The following CATSPERT variants were observed in gnomAD, a reference collection of about 807,000 sequenced individuals.
CATSPERT encodes cation channel sperm-associated targeting subunit tau.
the CATSPERT span, among the ~76,000 whole-genome samples, chr2:201,585,191 C>A: frequency 6.6e-6 from 1 of 151,776 alleles, no homozygotes; most frequent in Non-Finnish European, 1.5e-5. Flanking sequence ...AATGAGAACA[C>A]ATGGACACAG....
At chr2:201,510,406 T>C in the CATSPERT span, among the ~76,000 whole-genome samples, 2 of 152,150 alleles carry the variant, frequency 1.3e-5, no homozygotes, top group Non-Finnish European at 2.9e-5. Flanking sequence ...GTTGCACCAC[T>C]GCACTCCAGC....
At chr2:201,551,765 G>A in the CATSPERT span, among the ~76,000 whole-genome samples, 11 of 151,850 alleles carry the variant, frequency 7.2e-5, no homozygotes, top group African/African-American at 2.7e-4. Context: ...AATATTAGCC[G>A]GGCATGGTGG....
chr2:201,537,265 G>A, the CATSPERT span, among the ~76,000 whole-genome samples: 1 of 151,788 alleles, frequency 6.6e-6, no homozygotes, highest in African/African-American at 2.4e-5. Flanking sequence ...ATTTTATGCA[G>A]AAGGCTCTTT....
At chr2:201,537,825 AATAGGACC>A in the CATSPERT span, among the ~76,000 whole-genome samples, 1 of 152,144 alleles carries the variant, frequency 6.6e-6, no homozygotes, top group East Asian at 1.9e-4. Flanking sequence ...AATCAGACAA[AATAGGACC>A]ATTCAAGGAA....
the CATSPERT span, among the ~76,000 whole-genome samples, chr2:201,531,935 C>A: frequency 6.6e-6 from 1 of 152,172 alleles, no homozygotes; most frequent in African/African-American, 2.4e-5. Context: ...ATTTAGATTT[C>A]GTCTTTACAA....
chr2:201,598,254 C>G, the CATSPERT span, among the ~76,000 whole-genome samples: 3 of 152,074 alleles, frequency 2.0e-5, no homozygotes, highest in Non-Finnish European at 4.4e-5. Context: ...GTACATGCCA[C>G]CACACCCAGT....
chr2:201,605,778 C>A, the CATSPERT span, among the ~76,000 whole-genome samples: 1 of 152,090 alleles, frequency 6.6e-6, no homozygotes, highest in South Asian at 2.1e-4. Context: ...TTCAAACAAG[C>A]ATTTGGAGAT....
At chr2:201,549,019 C>G in the CATSPERT span, among the ~76,000 whole-genome samples, 2 of 151,936 alleles carry the variant, frequency 1.3e-5, no homozygotes, top group East Asian at 1.9e-4. Context: ...ACACACACCC[C>G]CCAGCCAAAT....
the CATSPERT span, chr2:201,535,419 T>C: frequency 2.1e-6 from 2 of 974,970 alleles, no homozygotes; most frequent in Admixed American, 1.2e-4. Flanking sequence ...TATTATTTGG[T>C]GTACCTTTAA....
the CATSPERT span, among the ~76,000 whole-genome samples, chr2:201,506,740 A>T: frequency 6.6e-6 from 1 of 152,008 alleles, no homozygotes; most frequent in Non-Finnish European, 1.5e-5. Flanking sequence ...TTTTTAGTAG[A>T]GATGTGGTTT....
At chr2:201,492,639 C>T in the CATSPERT span, 2 of 1,526,832 alleles carry the variant, frequency 1.3e-6, no homozygotes, top group African/African-American at 1.4e-5. Flanking sequence ...TTTGGAGAAT[C>T]TCTTTTAAAA....
chr2:201,593,130 T>C, the CATSPERT span, among the ~76,000 whole-genome samples: 1 of 152,108 alleles, frequency 6.6e-6, no homozygotes, highest in African/African-American at 2.4e-5. Flanking sequence ...GTGCTATAAA[T>C]TTCCCTCTAC....
At chr2:201,606,959 TTAAAG>T in the CATSPERT span, among the ~76,000 whole-genome samples, 1 of 148,378 alleles carries the variant, frequency 6.7e-6, no homozygotes, top group African/African-American at 2.5e-5. Context: ...AGAGTTAAGA[TTAAAG>T]TAAAGATTCA....
the CATSPERT span, among the ~76,000 whole-genome samples, chr2:201,582,395 T>C: frequency 3.3e-5 from 5 of 152,294 alleles, no homozygotes; most frequent in African/African-American, 9.6e-5. Context: ...TTGTATGTCA[T>C]TAGCTTTATA....
the CATSPERT span, chr2:201,575,402 C>T: frequency 1.7e-6 from 2 of 1,210,142 alleles, no homozygotes; most frequent in African/African-American, 3.1e-5. Context: ...CCAAGGGTCC[C>T]CAACCCCTAG....
At chr2:201,609,138 G>A in the CATSPERT span, among the ~76,000 whole-genome samples, 12 of 152,034 alleles carry the variant, frequency 7.9e-5, no homozygotes, top group African/African-American at 2.7e-4. Flanking sequence ...ATCAGCAAGA[G>A]GATATAACAA....
chr2:201,618,142 A>T, the CATSPERT span, among the ~76,000 whole-genome samples: 3 of 152,278 alleles, frequency 2.0e-5, no homozygotes, highest in African/African-American at 7.2e-5. Flanking sequence ...ATTGTGGAAG[A>T]CAGTGTGGCG....
the CATSPERT span, among the ~76,000 whole-genome samples, chr2:201,615,095 A>G: frequency 2.5e-4 from 38 of 152,190 alleles, no homozygotes; most frequent in Admixed American, 6.5e-5. Flanking sequence ...AGACTCCCAC[A>G]CAATAATAAT....
At chr2:201,571,342 A>G in the CATSPERT span, among the ~76,000 whole-genome samples, 1 of 152,006 alleles carries the variant, frequency 6.6e-6, no homozygotes, top group Non-Finnish European at 1.5e-5. Context: ...GCTTTTTTCC[A>G]TTTCTTATTC....
Sources: allele counts gnomAD v4.1 joint callset (sites outside exome capture counted in the v4.1 genomes callset), GRCh38; gene constraint gnomAD v4.1.1; transcripts MANE v1.5; gene names NCBI Gene and HGNC (gene_info 2026-07-23, HGNC 2026-07-21).